LIPH: variants seen among roughly 807,000 people sequenced by gnomAD.
The protein encoded by LIPH is lipase member H.
In LIPH, 32 loss-of-function variants were observed where a neutral mutation model predicts 47.6. The observed-to-expected ratio is 0.67, with a 90% CI of 0.51 to 0.90. The LOEUF (loss-of-function observed/expected upper bound fraction) is 0.90. Ranked by LOEUF, LIPH falls within the 40% of genes least tolerant of loss-of-function variation. The pLI is 0.00. For missense variants in LIPH, 497 were observed against 541.4 expected (o/e 0.92, Z 0.81); for synonymous variants, 190 against 195.6 (o/e 0.97, Z 0.24).
chr3:185,548,996 G>T (rs1229642347), intron 1 of LIPH, among the ~76,000 whole-genome samples: 5 of 151,974 alleles, frequency 3.3e-5, no homozygotes, highest in African/African-American at 1.2e-4. Context: ...GCTGGGCGTG[G>T]TGGTGGGTGC....
chr3:185,544,240 C>A (rs563949853), intron 1 of LIPH, among the ~76,000 whole-genome samples: 1 of 152,242 alleles, frequency 6.6e-6, no homozygotes, highest in South Asian at 2.1e-4. Context: ...TAAATAATGA[C>A]CTGGCTTTGA....
At chr3:185,529,969 A>AGAAG (rs1553823312) in intron 3 of LIPH, among the ~76,000 whole-genome samples, 4 of 57,606 alleles carry the variant, frequency 6.9e-5, no homozygotes, top group African/African-American at 2.0e-4. Flanking sequence ...AAAGAAGGAA[A>AGAAG]GAAAGAAAGA....
At chr3:185,548,423 AC>A (rs1720948873) in intron 1 of LIPH, among the ~76,000 whole-genome samples, 1 of 148,850 alleles carries the variant, frequency 6.7e-6, no homozygotes, top group African/African-American at 2.5e-5. Flanking sequence ...GAAAAAAAAA[AC>A]AACAAAAAAA....
chr3:185,542,534 C>G (rs750585351), intron 1 of LIPH, among the ~76,000 whole-genome samples: 19 of 151,980 alleles, frequency 1.3e-4, no homozygotes, highest in Non-Finnish European at 2.5e-4. Context: ...CCACGCTGGT[C>G]TCGAACTCCT....
chr3:185,529,906 AAAAG>A lies in LIPH; in HGVS notation c.527-2325_527-2322del, dbSNP rs1180211034. On this transcript the variant is annotated intron_variant, in intron 3 of 9. Coordinates refer to ENST00000296252, the MANE Select transcript of LIPH (RefSeq NM_139248.3). Reference sequence around the variant, plus strand: ...AAGAGAGAGAGAGAAAGAGAGAAAGAAAAGAAAGAAAGAAAGAAAGAAAGAAAGA... The same window carrying A: ...AAGAGAGAGAGAGAAAGAGAGAAAGAAAAGAAAGAAAGAAAGAAAGAAAGA... Among the ~76,000 whole-genome samples, 670 of 122,708 alleles carry A rather than the reference AAAAG, an allele frequency of 5.5e-3. 5 individuals are homozygous for A. Among genetic ancestry groups the A allele is most frequent in the Middle Eastern group, 0.035 (9 of 258 alleles). The allele number at this position is 122,708 out of a possible 152,430, so 80.5% of individuals were successfully genotyped here.
chr3:185,509,057 C>T (rs1333115484), intron 9 of LIPH, among the ~76,000 whole-genome samples, 180 bp from the exon 10 acceptor site: 3 of 151,630 alleles, frequency 2.0e-5, no homozygotes, highest in African/African-American at 4.8e-5. Context: ...TTTAAGAGGC[C>T]GAGGCGGGCA....
In LIPH at chr3:185,549,714, G is replaced by T. The variant is rs575248112; in HGVS notation, c.49+2709C>A. 6.6e-5 allele frequency among the ~76,000 whole-genome samples: 10 copies of T among 152,254 alleles called. 1 individual carries two copies. Among genetic ancestry groups the T allele is most frequent in the African/African-American group, 1.4e-4 (6 of 41,550 alleles). Reference sequence around the variant, plus strand: ...AGGGCGGGAAAATTTTTGAGACAGGGTCTTGTTCAGCCAGGCTGAAGTGCA... The same window carrying T: ...AGGGCGGGAAAATTTTTGAGACAGGTTCTTGTTCAGCCAGGCTGAAGTGCA... On this transcript the variant is annotated intron_variant, in intron 1 of 9. Transcript: ENST00000296252.
chr3:185,517,098 G>A lies in LIPH; in HGVS notation c.951C>T (p.Phe317=). 1.2e-6 allele frequency: 2 copies of A among 1,612,990 alleles called. No individual in the cohort carries two copies. Among genetic ancestry groups the A allele is most frequent in the Non-Finnish European group, 1.7e-6 (2 of 1,178,930 alleles). The part of the protein sequence containing the change: ...RGKDPPMTKA[F]FDTAEESPFC... ...ATGGGCTCTCCTCAGCTGTGTCAAA[G>A]AATGCCTTCGTCATTGGAGGATCTT... Residue 317 remains phenylalanine (F), a synonymous_variant, in exon 7 of 10, where the codon TTC becomes TTT. Transcript: ENST00000296252.
chr3:185,533,650 GTAAA>G lies in LIPH; in HGVS notation c.443_446del (p.Ile148ThrfsTer2). 1 of 1,613,688 alleles carries G rather than the reference GTAAA, an allele frequency of 6.2e-7. No homozygotes were observed. Among genetic ancestry groups the G allele is most frequent in the Non-Finnish European group, 8.5e-7 (1 of 1,179,586 alleles). On this transcript the variant is annotated frameshift_variant, in exon 3 of 10. Transcript: ENST00000296252. ...GGGCTCCTAGACTTACTCCGATCATGTAAATGTCATCAAGAGAAGCTCCTTCTGC... is the reference window on the plus strand; with the variant it reads ...GGGCTCCTAGACTTACTCCGATCATGTGTCATCAAGAGAAGCTCCTTCTGC...
intron 1 of LIPH, among the ~76,000 whole-genome samples, chr3:185,545,857 G>A (rs975858412): frequency 3.9e-5 from 6 of 152,008 alleles, no homozygotes; most frequent in Non-Finnish European, 8.8e-5. Context: ...CTTTGCATCT[G>A]TAAAATAATC....
chr3:185,523,483 C>A (rs1719970812), intron 5 of LIPH, among the ~76,000 whole-genome samples: 1 of 152,134 alleles, frequency 6.6e-6, no homozygotes, highest in Admixed American at 6.6e-5. Flanking sequence ...CGGCTCACTG[C>A]AACCTCTACT....
chr3:185,509,528 G>A (rs183474122), intron 9 of LIPH, among the ~76,000 whole-genome samples: 1 of 151,252 alleles, frequency 6.6e-6, no homozygotes, highest in East Asian at 2.0e-4. Flanking sequence ...TACTTCGGAG[G>A]CTGAAGCAGG....
chr3:185,531,630 C>T (rs941174401), intron 3 of LIPH, among the ~76,000 whole-genome samples: 1 of 151,682 alleles, frequency 6.6e-6, no homozygotes, highest in Non-Finnish European at 1.5e-5. Flanking sequence ...CCTGTAATCC[C>T]AGCACTATGG....
chr3:185,531,837 G>T (rs1023375594), intron 3 of LIPH, among the ~76,000 whole-genome samples: 2 of 152,072 alleles, frequency 1.3e-5, no homozygotes, highest in African/African-American at 4.8e-5. Context: ...TTTTGTTTTG[G>T]TTTTTGTTTA....
In LIPH at chr3:185,508,719, G is replaced by T; in HGVS notation, c.*71C>A. 1.8e-6 allele frequency: 2 copies of T among 1,105,632 alleles called. No individual in the cohort carries two copies. Among genetic ancestry groups the T allele is most frequent in the Non-Finnish European group, 2.8e-6 (2 of 717,390 alleles). 68.5% of individuals were successfully genotyped at this position (1,105,632 alleles called of 1,614,324 possible). On this transcript the variant is annotated 3_prime_UTR_variant, in exon 10 of 10. Coordinates refer to ENST00000296252, the MANE Select transcript of LIPH (RefSeq NM_139248.3). ...CTTTTTCTGCCTTGCAGAAAGGTGA[G>T]GTGAAGCTTTCAAACAGCCTGTGGT...
chr3:185,514,044 G>A (rs1047534756), intron 8 of LIPH, among the ~76,000 whole-genome samples: 1 of 152,090 alleles, frequency 6.6e-6, no homozygotes, highest in Non-Finnish European at 1.5e-5. Flanking sequence ...ATATTCATTT[G>A]TTGTTTAAAT....
chr3:185,526,569 T>A (rs1021532580), intron 4 of LIPH, among the ~76,000 whole-genome samples: 1 of 97,412 alleles, frequency 1.0e-5, no homozygotes, highest in South Asian at 3.4e-4. Context: ...TAAGATAAAA[T>A]AAAATAAAAA....
chr3:185,547,093 A>T, intron 1 of LIPH: 1 of 325,148 alleles, frequency 3.1e-6, no homozygotes, highest in South Asian at 2.4e-5. Flanking sequence ...GTGAGCCGAG[A>T]TCACACCACT....
chr3:185,524,238 G>T, intron 4 of LIPH, 78 bp from the exon 5 acceptor site: 3 of 827,066 alleles, frequency 3.6e-6, no homozygotes, highest in Non-Finnish European at 6.3e-6. Flanking sequence ...CCAGGTATAA[G>T]CAGGAATTGT....
Sources: allele counts gnomAD v4.1 joint callset (sites outside exome capture counted in the v4.1 genomes callset), GRCh38; gene constraint gnomAD v4.1.1; transcripts MANE v1.5; gene names NCBI Gene and HGNC (gene_info 2026-07-23, HGNC 2026-07-21).